Variants in CNBD1 observed in about 807,000 individuals in gnomAD.
CNBD1 encodes the protein cyclic nucleotide-binding domain-containing protein 1.
In CNBD1, 71 loss-of-function variants were observed where a neutral mutation model predicts 54.4. That is an observed-to-expected ratio of 1.30 (90% CI 1.08 to 1.59). The LOEUF is 1.59. CNBD1 is among the 40% of genes most tolerant of loss of function. CNBD1 has a pLI of 0.00. For synonymous variants in CNBD1, 182 were observed against 170.7 expected (o/e 1.07, Z -0.51); for missense variants, 659 against 518.0 (o/e 1.27, Z -2.64).
intron 4 of CNBD1, among the ~76,000 whole-genome samples, chr8:86,958,866 T>C (rs1430738471): frequency 6.6e-6 from 1 of 152,222 alleles, no homozygotes; most frequent in Non-Finnish European, 1.5e-5. Flanking sequence ...TTTGATCCTG[T>C]CATTATGATA....
intron 5 of CNBD1, among the ~76,000 whole-genome samples, chr8:87,230,251 C>T (rs996474634): frequency 1.1e-4 from 17 of 152,252 alleles, no homozygotes; most frequent in East Asian, 3.9e-4. Flanking sequence ...TCACCTCCCA[C>T]GGAGGCCACA....
intron 2 of CNBD1, among the ~76,000 whole-genome samples, chr8:87,399,277 G>A (rs750032614): frequency 1.3e-5 from 2 of 151,946 alleles, no homozygotes; most frequent in Non-Finnish European, 1.5e-5. Flanking sequence ...TGTGCTTGTC[G>A]TGAGGATACC....
chr8:87,145,354 A>G (rs1421265370), intron 4 of CNBD1, among the ~76,000 whole-genome samples: 1 of 152,184 alleles, frequency 6.6e-6, no homozygotes, highest in Non-Finnish European at 1.5e-5. Flanking sequence ...AATATCTTTC[A>G]TGGATGAAGG....
At chr8:87,398,045 CG>C (rs1319077925) in intron 2 of CNBD1, among the ~76,000 whole-genome samples, 5 of 151,698 alleles carry the variant, frequency 3.3e-5, no homozygotes, top group Non-Finnish European at 7.4e-5. Flanking sequence ...TGCTCAGTCT[CG>C]GGTATATCTT....
intron 4 of CNBD1, among the ~76,000 whole-genome samples, chr8:86,972,611 T>TACACAGAC (rs1808249324): frequency 6.6e-6 from 1 of 152,174 alleles, no homozygotes; most frequent in Non-Finnish European, 1.5e-5. Flanking sequence ...ATAGGTAAGA[T>TACACAGAC]ACACAGACAC....
At chr8:87,217,691 T>C (rs928372703) in intron 5 of CNBD1, among the ~76,000 whole-genome samples, 2 of 151,950 alleles carry the variant, frequency 1.3e-5, no homozygotes, top group Non-Finnish European at 2.9e-5. Flanking sequence ...TCATGATATT[T>C]ATTATCAGAA....
chr8:86,929,598 TC>T lies in CNBD1; in HGVS notation c.273-9994del, dbSNP rs562911889. Among the ~76,000 whole-genome samples the T allele has an allele frequency of 2.7e-4, 41 of 152,286 alleles. No individual in the cohort carries two copies. In the East Asian group the frequency reaches 7.3e-3, roughly 27 times the overall value. Reference sequence around the variant, plus strand: ...TTGTTGGTAGTCATGCTCGATTGGTTCCCCATCCTCTGGGAGAAAAATAGCA... The same window carrying T: ...TTGTTGGTAGTCATGCTCGATTGGTTCCCATCCTCTGGGAGAAAAATAGCA... On this transcript the variant is annotated intron_variant, in intron 3 of 10. Transcript: ENST00000518476.
chr8:87,152,036 G>A (rs546272298), intron 4 of CNBD1, among the ~76,000 whole-genome samples: 1 of 152,180 alleles, frequency 6.6e-6, no homozygotes, highest in African/African-American at 2.4e-5. Flanking sequence ...TAGGGAAGTT[G>A]AGGCTAGAAT....
At chr8:87,210,657 T>C (rs920837571) in intron 5 of CNBD1, among the ~76,000 whole-genome samples, 2 of 152,134 alleles carry the variant, frequency 1.3e-5, no homozygotes, top group African/African-American at 4.8e-5. Context: ...TAAGCTTTGG[T>C]GGTTTCCATG....
intron 6 of CNBD1, among the ~76,000 whole-genome samples, chr8:87,267,681 G>A (rs985043426): frequency 3.3e-5 from 5 of 152,096 alleles, no homozygotes; most frequent in African/African-American, 1.2e-4. Flanking sequence ...TACAACAATG[G>A]AAAATGAATG....
At chr8:87,378,670 G>T (rs1458686764) in intron 10 of CNBD1, among the ~76,000 whole-genome samples, 2 of 150,200 alleles carry the variant, frequency 1.3e-5, no homozygotes, top group Non-Finnish European at 3.0e-5. Flanking sequence ...CTTTAAAGTA[G>T]TTTTTTCCAA....
chr8:86,937,166 G>A (rs1809563949), intron 3 of CNBD1, among the ~76,000 whole-genome samples: 1 of 152,148 alleles, frequency 6.6e-6, no homozygotes, highest in African/African-American at 2.4e-5. Flanking sequence ...ATCTTACATG[G>A]CAGCAGGCAA....
chr8:87,017,406 G>GT (rs1477649813), intron 4 of CNBD1, among the ~76,000 whole-genome samples: 16 of 152,120 alleles, frequency 1.1e-4, no homozygotes, highest in African/African-American at 3.4e-4. Flanking sequence ...GGCAAAAACC[G>GT]TAAGTATTTT....
rs1585984637 is a variant in CNBD1, at chr8:87,286,585, T to C, written c.956T>C (p.Met319Thr). The C allele has an allele frequency of 6.8e-7, 1 of 1,475,062 alleles. No individual in the cohort carries two copies. Among genetic ancestry groups the C allele is most frequent in the South Asian group, 1.2e-5 (1 of 82,750 alleles). 91.4% of individuals were successfully genotyped at this position (1,475,062 alleles called of 1,614,324 possible). A position where few individuals can be genotyped will look rare whatever the true frequency, so the allele number is the denominator to read the frequency against. Residue 319 changes from methionine to threonine, a missense_variant, in exon 8 of 11, where the codon ATG becomes ACG. Physicochemically the swap from Met to Thr is moderately conservative, Grantham distance 81 (BLOSUM62 -1). Coordinates refer to ENST00000518476, the MANE Select transcript of CNBD1 (RefSeq NM_173538.3). ...ENMQKLKLIR[M>T]CPYYEEWPTL... ...ATGCAAAAGTTGAAATTAATCCGTATGTGTCCTTATTATGAGGAATGGCCT... is the reference window on the plus strand; with the variant it reads ...ATGCAAAAGTTGAAATTAATCCGTACGTGTCCTTATTATGAGGAATGGCCT...
chr8:87,371,845 A>T (rs1258683325), intron 10 of CNBD1, among the ~76,000 whole-genome samples: 1 of 151,992 alleles, frequency 6.6e-6, no homozygotes, highest in South Asian at 2.1e-4. Context: ...TCTCAAAATA[A>T]TAAGAGCTAT....
chr8:87,013,995 A>C (rs1809298321), intron 4 of CNBD1, among the ~76,000 whole-genome samples: 1 of 152,020 alleles, frequency 6.6e-6, no homozygotes, highest in Non-Finnish European at 1.5e-5. Context: ...GGAAAACAAA[A>C]GTCTTTTCTA....
At chr8:87,427,400 G>A (rs769555853) in intron 2 of CNBD1, among the ~76,000 whole-genome samples, 1 of 152,010 alleles carries the variant, frequency 6.6e-6, no homozygotes, top group Admixed American at 6.6e-5. Context: ...TATTCAGTAG[G>A]CTGTATAAGA....
intron 4 of CNBD1, among the ~76,000 whole-genome samples, chr8:87,009,085 C>A (rs193087041): frequency 6.6e-6 from 1 of 151,678 alleles, no homozygotes; most frequent in Admixed American, 6.6e-5. Context: ...CATTTTCTGG[C>A]GAGCTACATA....
At chr8:86,937,536 T>C (rs554756136) in intron 3 of CNBD1, among the ~76,000 whole-genome samples, 27 of 152,332 alleles carry the variant, frequency 1.8e-4, no homozygotes, top group Middle Eastern at 3.4e-3. Flanking sequence ...TATGAGACTC[T>C]GAAATCTAGG....
Sources: gnomAD v4.1 joint callset for allele counts (sites outside exome capture counted in the v4.1 genomes callset) on GRCh38, gnomAD v4.1.1 for gene constraint, MANE v1.5 for transcripts, NCBI Gene and HGNC (gene_info 2026-07-23, HGNC 2026-07-21) for gene names.